PDGFC: variants seen among roughly 807,000 people sequenced by gnomAD.
PDGFC encodes the protein platelet derived growth factor C, also known as platelet-derived growth factor C.
PDGFC carries 12 observed loss-of-function variants against 35.5 expected under a neutral mutation model. That is an observed-to-expected ratio of 0.34 (90% CI 0.22 to 0.55). The LOEUF is 0.55. PDGFC is among the 20% of genes least tolerant of loss of function. The pLI is 0.91. For synonymous variants in PDGFC, 159 were observed against 148.8 expected (o/e 1.07, Z -0.50); for missense variants, 322 against 412.4 (o/e 0.78, Z 1.90).
chr4:156,890,599 G>A (rs1730479690), intron 1 of PDGFC, among the ~76,000 whole-genome samples: 3 of 152,148 alleles, frequency 2.0e-5, no homozygotes, highest in Middle Eastern at 3.4e-3. Context: ...CCAGGCTACC[G>A]GGGTTCATGC....
intron 1 of PDGFC, among the ~76,000 whole-genome samples, chr4:156,895,261 T>C (rs992451576): frequency 2.0e-5 from 3 of 152,156 alleles, no homozygotes; most frequent in South Asian, 2.1e-4. Context: ...AAAATCATAA[T>C]GTTAACACAC....
intron 2 of PDGFC, among the ~76,000 whole-genome samples, chr4:156,841,843 T>C (rs987170970): frequency 2.0e-5 from 3 of 152,206 alleles, no homozygotes; most frequent in Non-Finnish European, 4.4e-5. Flanking sequence ...AATGGACTAA[T>C]ACACTAGCTA....
intron 1 of PDGFC, among the ~76,000 whole-genome samples, chr4:156,882,577 A>G (rs1035245769): frequency 1.3e-5 from 2 of 152,212 alleles, no homozygotes; most frequent in Non-Finnish European, 2.9e-5. Context: ...TGTATCACCC[A>G]TAACACTTGT....
At chr4:156,820,930 G>A (rs190848805) in intron 2 of PDGFC, among the ~76,000 whole-genome samples, 1 of 152,270 alleles carries the variant, frequency 6.6e-6, no homozygotes, top group East Asian at 1.9e-4. Context: ...CTCACCATTA[G>A]TTTCCAATAT....
At chr4:156,903,104 AGTGT>A (rs10684023) in intron 1 of PDGFC, among the ~76,000 whole-genome samples, 3 of 130,676 alleles carry the variant, frequency 2.3e-5, no homozygotes, top group Admixed American at 7.9e-5. Flanking sequence ...AGAGAGAGAG[AGTGT>A]GTGTGTGTGT....
chr4:156,902,017 A>G (rs912793171), intron 1 of PDGFC, among the ~76,000 whole-genome samples: 1 of 152,244 alleles, frequency 6.6e-6, no homozygotes, highest in Non-Finnish European at 1.5e-5. Context: ...TCAGAGGAGC[A>G]GGATGGGTTG....
At chr4:156,849,732 G>A (rs1005010250) in intron 2 of PDGFC, among the ~76,000 whole-genome samples, 16 of 152,050 alleles carry the variant, frequency 1.1e-4, no homozygotes, top group Non-Finnish European at 2.9e-5. Context: ...TCTTCTTTGT[G>A]ATGTAATATT....
intron 1 of PDGFC, among the ~76,000 whole-genome samples, chr4:156,931,520 C>T (rs2110877527): frequency 6.6e-6 from 1 of 152,170 alleles, no homozygotes; most frequent in South Asian, 2.1e-4. Flanking sequence ...CATAACTATC[C>T]AAGAAAAACA....
At chr4:156,791,746 C>T (rs931168330) in intron 3 of PDGFC, among the ~76,000 whole-genome samples, 8 of 152,124 alleles carry the variant, frequency 5.3e-5, no homozygotes, top group African/African-American at 1.9e-4. Context: ...ATCCCACGTA[C>T]CACACTGAAA....
chr4:156,878,452 C>T (rs537358179), intron 1 of PDGFC, among the ~76,000 whole-genome samples: 1 of 152,284 alleles, frequency 6.6e-6, no homozygotes, highest in Non-Finnish European at 1.5e-5. Context: ...CAAAGTCAAT[C>T]TAAATAACAT....
chr4:156,915,006 G>T (rs1731124932), intron 1 of PDGFC, among the ~76,000 whole-genome samples: 1 of 152,086 alleles, frequency 6.6e-6, no homozygotes, highest in African/African-American at 2.4e-5. Context: ...TAAATTGGGT[G>T]ACTATGGAAA....
Position 156,858,019 on chromosome 4 carries a change from C to T in PDGFC, c.119-7603G>A, listed in dbSNP as rs139517597. Among the ~76,000 whole-genome samples the T allele has an allele frequency of 6.7e-3, 1,016 of 152,154 alleles. 13 individuals carry two copies. Among genetic ancestry groups the T allele is most frequent in the African/African-American group, 0.023 (949 of 41,528 alleles). The stretch of plus-strand genomic sequence containing the variant: ...ATTATTAAGCCAATAAGAGTTAGAA[C>T]TTTCTATACTTACAGCCAAAATAAT... On this transcript the variant is annotated intron_variant, in intron 1 of 5. Transcript: ENST00000502773.
At chr4:156,925,492 G>A (rs1171194483) in intron 1 of PDGFC, among the ~76,000 whole-genome samples, 3 of 152,086 alleles carry the variant, frequency 2.0e-5, no homozygotes, top group African/African-American at 7.2e-5. Context: ...TCTGCACATG[G>A]TACTGGCGGG....
intron 1 of PDGFC, among the ~76,000 whole-genome samples, chr4:156,897,422 C>T (rs1424353440): frequency 6.7e-6 from 1 of 149,582 alleles, no homozygotes; most frequent in Admixed American, 6.7e-5. Flanking sequence ...TTTAGGTTAA[C>T]CATTTTTAAA....
At chr4:156,855,034 A>T (rs1729540833) in intron 1 of PDGFC, among the ~76,000 whole-genome samples, 1 of 152,136 alleles carries the variant, frequency 6.6e-6, no homozygotes, top group African/African-American at 2.4e-5. Flanking sequence ...TAAAAAATTT[A>T]AAAAAGGAAA....
intron 2 of PDGFC, among the ~76,000 whole-genome samples, chr4:156,846,445 C>A (rs756622803): frequency 2.6e-5 from 4 of 151,640 alleles, no homozygotes; most frequent in African/African-American, 9.7e-5. Flanking sequence ...TATTGAGAGA[C>A]AGTCTGTAGA....
intron 1 of PDGFC, among the ~76,000 whole-genome samples, chr4:156,855,141 T>C (rs7682857): frequency 0.11 from 17,033 of 152,108 alleles, 1,149 homozygotes; most frequent in African/African-American, 0.19. Context: ...CTGTAAGTAG[T>C]CAGTTTAGCA....
At chr4:156,800,689 T>C (rs1731579777) in intron 3 of PDGFC, among the ~76,000 whole-genome samples, 1 of 152,200 alleles carries the variant, frequency 6.6e-6, no homozygotes, top group African/African-American at 2.4e-5. Context: ...AACTAGACAT[T>C]ACATTAATGT....
At chr4:156,769,895 C>G (rs994686597) in intron 4 of PDGFC, among the ~76,000 whole-genome samples, 4 of 152,018 alleles carry the variant, frequency 2.6e-5, no homozygotes, top group African/African-American at 9.7e-5. Context: ...TGCACAAACA[C>G]AAAATCTGGT....
Sources: allele counts gnomAD v4.1 joint callset (sites outside exome capture counted in the v4.1 genomes callset), GRCh38; gene constraint gnomAD v4.1.1; transcripts MANE v1.5; gene names NCBI Gene and HGNC (gene_info 2026-07-23, HGNC 2026-07-21).